FRS2: variants seen among roughly 807,000 people sequenced by gnomAD.
The protein encoded by FRS2 is FGFR signalling adaptor.
In FRS2, 8 loss-of-function variants were observed where a neutral mutation model predicts 43.9. The observed-to-expected ratio is 0.18, with a 90% CI of 0.11 to 0.33. The LOEUF is 0.33. FRS2 is among the 10% of genes least tolerant of loss of function. The pLI, the probability that FRS2 is intolerant of heterozygous loss-of-function variation, is 1.00. For synonymous variants in FRS2, 219 were observed against 220.3 expected (o/e 0.99, Z 0.05); for missense variants, 534 against 627.6 (o/e 0.85, Z 1.59).
At chr12:69,566,145 T>G (rs1401618501) in intron 4 of FRS2, among the ~76,000 whole-genome samples, 1 of 152,180 alleles carries the variant, frequency 6.6e-6, no homozygotes, top group African/African-American at 2.4e-5. Context: ...ACATTTGTTA[T>G]GTGGCTCATG....
At chr12:69,495,816 G>A (rs933876871) in intron 1 of FRS2, among the ~76,000 whole-genome samples, 3 of 152,092 alleles carry the variant, frequency 2.0e-5, no homozygotes, top group Non-Finnish European at 4.4e-5. Context: ...ACCTGTAGTC[G>A]TAGCTACTTG....
Position 69,504,537 on chromosome 12 carries a change from A to T in FRS2, c.-260-26328A>T, listed in dbSNP as rs149569332. Among the ~76,000 whole-genome samples, 241 of 152,304 alleles carry T rather than the reference A, an allele frequency of 1.6e-3. 2 individuals carry two copies. Among genetic ancestry groups the T allele is most frequent in the African/African-American group, 5.4e-3 (225 of 41,562 alleles). On this transcript the variant is annotated intron_variant, in intron 1 of 8. Coordinates refer to ENST00000549921, the MANE Select transcript of FRS2 (RefSeq NM_001278356.2). The stretch of plus-strand genomic sequence containing the variant: ...AGATTTATTGGGATGTAATCCCTTC[A>T]CAAGTCAAGGAATATTTATATACAT...
chr12:69,564,636 A>C (rs778068656), intron 4 of FRS2, among the ~76,000 whole-genome samples: 1 of 151,592 alleles, frequency 6.6e-6, no homozygotes, highest in African/African-American at 2.4e-5. Flanking sequence ...ATGTTCCTTA[A>C]ATTTATTCTT....
In FRS2 at chr12:69,576,263, G is replaced by T. The variant is rs1034407924; in HGVS notation, c.*1308G>T. 6 of 152,090 alleles carry T rather than the reference G, an allele frequency of 3.9e-5. No homozygotes were observed. The highest frequency in any genetic ancestry group is 1.4e-4 in the African/African-American group (6 of 41,408). The allele number at this position is 152,090 out of a possible 1,614,324, so 9.4% of individuals were successfully genotyped here. A position where few individuals can be genotyped will look rare whatever the true frequency, so the allele number is the denominator to read the frequency against. ...TCTGCTGTCCTTTTACTTGTAGCTG[G>T]ATCTTTGATTATCCTTCGATTTCCA... On this transcript the variant is annotated 3_prime_UTR_variant, in exon 9 of 9. Coordinates refer to ENST00000549921, the MANE Select transcript of FRS2 (RefSeq NM_001278356.2).
At chr12:69,474,542 C>T (rs755790916) in intron 1 of FRS2, among the ~76,000 whole-genome samples, 6 of 152,178 alleles carry the variant, frequency 3.9e-5, no homozygotes, top group Non-Finnish European at 7.3e-5. Flanking sequence ...CTTCTTCACA[C>T]TGTAGGTTCA....
intron 1 of FRS2, among the ~76,000 whole-genome samples, chr12:69,485,277 GGTTCACGCCATTCTCCTGC>G (rs1182880718): frequency 6.6e-6 from 1 of 151,668 alleles, no homozygotes; most frequent in Non-Finnish European, 1.5e-5. Flanking sequence ...CCGCTTCCCA[GGTTCACGCCATTCTCCTGC>G]CTCAGCCTCC....
At position 69,470,526 on chromosome 12, in the gene FRS2, G is replaced by A. The variant is rs994917056; in HGVS notation, c.-265G>A. 1.3e-5 allele frequency: 5 copies of A among 398,492 alleles called. No individual in the cohort carries two copies. Among genetic ancestry groups the A allele is most frequent in the African/African-American group, 1.0e-4 (5 of 48,618 alleles). 24.7% of individuals were successfully genotyped at this position (398,492 alleles called of 1,614,324 possible). On this transcript the variant is annotated 5_prime_UTR_variant, in exon 1 of 9. Coordinates refer to ENST00000549921, the MANE Select transcript of FRS2 (RefSeq NM_001278356.2). ...CCCTGCTCCCTCTCAGCACCTGGGC[G>A]GACGGTGAGTGGCTAGGGAAACGGA...
At chr12:69,556,351 T>G (rs1301753597) in intron 3 of FRS2, among the ~76,000 whole-genome samples, 1 of 152,160 alleles carries the variant, frequency 6.6e-6, no homozygotes, top group Non-Finnish European at 1.5e-5. Context: ...CTTTCTTTTT[T>G]TTTTTAAGTC....
At chr12:69,558,691 G>A (rs950665832) in intron 3 of FRS2, among the ~76,000 whole-genome samples, 1 of 152,138 alleles carries the variant, frequency 6.6e-6, no homozygotes, top group Non-Finnish European at 1.5e-5. Flanking sequence ...CTTCTGTTCT[G>A]TATTGAATGT....
rs1193981084 is a variant in FRS2, at chr12:69,574,699, T to C, written c.1271T>C (p.Ile424Thr). Residue 424 changes from isoleucine (I) to threonine (T), a missense_variant, in exon 9 of 9, where the codon ATC (isoleucine) becomes ACC (threonine). Physicochemically the swap from Ile to Thr is moderately conservative, Grantham distance 89. Coordinates refer to ENST00000549921, the MANE Select transcript of FRS2 (RefSeq NM_001278356.2). ...ACACCAACAGTCTTTAACTTTGATA[T>C]CAGACGCCCAAGTTTAGAACACAGG... ...DCTPTVFNFD[I>T]RRPSLEHRQL... 1 of 1,614,158 alleles carries C rather than the reference T, an allele frequency of 6.2e-7. No homozygotes were observed. The highest frequency in any genetic ancestry group is 1.7e-5 in the Admixed American group (1 of 60,034).
At chr12:69,492,373 C>G (rs1268030431) in intron 1 of FRS2, among the ~76,000 whole-genome samples, 1 of 152,042 alleles carries the variant, frequency 6.6e-6, no homozygotes. Flanking sequence ...CCCAGGGGAT[C>G]CTGATATCTG....
At position 69,485,115 on chromosome 12, in the gene FRS2, A is replaced by ACGCGCG. The variant is rs1489674010; in HGVS notation, c.-261+14586_-261+14587insGCGCGC. Among the ~76,000 whole-genome samples, 182 of 143,224 alleles carry ACGCGCG rather than the reference A, an allele frequency of 1.3e-3. 2 individuals carry two copies. The highest frequency in any genetic ancestry group is 4.5e-3 in the African/African-American group (164 of 36,276). 94.0% of individuals were successfully genotyped at this position (143,224 alleles called of 152,430 possible). ...CACACACACACACACACACACACACACACACACACACACACACACACTCTC... is the reference window on the plus strand; with the variant it reads ...CACACACACACACACACACACACACACGCGCGCACACACACACACACACACACTCTC... On this transcript the variant is annotated intron_variant, in intron 1 of 8. Transcript: ENST00000549921.
intron 3 of FRS2, among the ~76,000 whole-genome samples, chr12:69,556,710 T>G (rs1162977114): frequency 6.6e-6 from 1 of 152,236 alleles, no homozygotes; most frequent in East Asian, 1.9e-4. Context: ...CCTAGGGATT[T>G]TCTTACGTGT....
chr12:69,531,529 C>T (rs1195959232), intron 2 of FRS2, among the ~76,000 whole-genome samples: 1 of 151,060 alleles, frequency 6.6e-6, no homozygotes, highest in Non-Finnish European at 1.5e-5. Flanking sequence ...AAAAGTATAC[C>T]CTTCAGTATG....
rs541343110 is a variant in FRS2 at position 69,470,438 on chromosome 12, T to G, written c.-353T>G. 6.5e-4 allele frequency: 258 copies of G among 398,480 alleles called. 1 individual carries two copies. The highest frequency in any genetic ancestry group is 1.3e-3 in the Admixed American group (30 of 22,738). The allele number at this position is 398,480 out of a possible 1,614,324, so 24.7% of individuals were successfully genotyped here. On this transcript the variant is annotated 5_prime_UTR_variant, in exon 1 of 9. Transcript: ENST00000549921. The stretch of plus-strand genomic sequence containing the variant: ...TGTAGGCACAGCGGCTGAGACTCGA[T>G]CTGCTCCAAGTAGGGGCTCCAGCGC...
chr12:69,505,107 C>T (rs1262324755), intron 1 of FRS2, among the ~76,000 whole-genome samples: 1 of 152,210 alleles, frequency 6.6e-6, no homozygotes, highest in Admixed American at 6.5e-5. Context: ...GATCCTCCCA[C>T]CTTGGCCTCC....
At chr12:69,570,060 C>T (rs542084164) in intron 5 of FRS2, among the ~76,000 whole-genome samples, 1 of 152,318 alleles carries the variant, frequency 6.6e-6, no homozygotes, top group East Asian at 1.9e-4. Context: ...TTAGACCACA[C>T]TTCCTGCCTT....
At chr12:69,543,393 A>G (rs1238613961) in intron 3 of FRS2, among the ~76,000 whole-genome samples, 2 of 152,254 alleles carry the variant, frequency 1.3e-5, no homozygotes, top group Non-Finnish European at 2.9e-5. Context: ...CTTATTAAGC[A>G]TTTAATATCT....
intron 1 of FRS2, among the ~76,000 whole-genome samples, chr12:69,474,216 A>G (rs1870563313): frequency 6.6e-6 from 1 of 152,184 alleles, no homozygotes; most frequent in Non-Finnish European, 1.5e-5. Context: ...GAGGTACGTA[A>G]TGAGATCAGT....
Sources: allele counts gnomAD v4.1 joint callset (sites outside exome capture counted in the v4.1 genomes callset), GRCh38; gene constraint gnomAD v4.1.1; transcripts MANE v1.5; gene names NCBI Gene and HGNC (gene_info 2026-07-23, HGNC 2026-07-21).